Variants in MICU3 observed in about 807,000 individuals in gnomAD.
MICU3 encodes calcium uptake protein 3, mitochondrial.
Under a neutral mutation model 66.5 loss-of-function variants are expected in MICU3, and 62 were observed. That is an observed-to-expected ratio of 0.93 (90% CI 0.76 to 1.15). The LOEUF (loss-of-function observed/expected upper bound fraction) is 1.15. MICU3 is among the 50% of genes most tolerant of loss of function. MICU3 has a pLI of 0.00. For synonymous variants in MICU3, 308 were observed against 240.7 expected (o/e 1.28, Z -2.59); for missense variants, 779 against 664.4 (o/e 1.17, Z -1.90).
At chr8:17,081,266 TC>T (rs1821140374) in intron 4 of MICU3, among the ~76,000 whole-genome samples, 1 of 152,132 alleles carries the variant, frequency 6.6e-6, no homozygotes, top group African/African-American at 2.4e-5. Context: ...AAGTGTTTTA[TC>T]CAAGTGTTAC....
Position 17,058,516 on chromosome 8 carries a change from C to T in MICU3, c.382-5568C>T, listed in dbSNP as rs568873290. Among the ~76,000 whole-genome samples, 8 of 151,996 alleles carry T rather than the reference C, an allele frequency of 5.3e-5. No homozygotes were observed. The South Asian group carries it at 6.2e-4, about 12-fold the overall frequency. On this transcript the variant is annotated intron_variant, in intron 1 of 14. Coordinates refer to ENST00000318063, the MANE Select transcript of MICU3 (RefSeq NM_181723.3). ...AGTAAACTGGTTTAATGTCATGTTCCGCCTTTATTATTGATGTTTTTTTTT... is the reference window on the plus strand; with the variant it reads ...AGTAAACTGGTTTAATGTCATGTTCTGCCTTTATTATTGATGTTTTTTTTT...
intron 5 of MICU3, among the ~76,000 whole-genome samples, chr8:17,082,119 A>G (rs1226307230): frequency 6.6e-6 from 1 of 151,960 alleles, no homozygotes; most frequent in African/African-American, 2.4e-5. Context: ...TGAGTCTATC[A>G]GAATACCCAT....
intron 3 of MICU3, among the ~76,000 whole-genome samples, chr8:17,076,745 A>C (rs1459862889): frequency 6.6e-6 from 1 of 152,220 alleles, no homozygotes; most frequent in East Asian, 1.9e-4. Context: ...AAAAATTAGA[A>C]GATGTTGTTA....
At chr8:17,057,304 G>A (rs1304531647) in intron 1 of MICU3, among the ~76,000 whole-genome samples, 3 of 152,146 alleles carry the variant, frequency 2.0e-5, no homozygotes, top group Non-Finnish European at 2.9e-5. Flanking sequence ...GGAAATCAGG[G>A]ATGGGTTGGT....
At chr8:17,130,150 T>G in the MICU3 span, among the ~76,000 whole-genome samples, 1 of 152,112 alleles carries the variant, frequency 6.6e-6, no homozygotes, top group Non-Finnish European at 1.5e-5. Flanking sequence ...AGCCAAAAAT[T>G]TTGATACATA....
At chr8:17,128,192 A>C in the MICU3 span, among the ~76,000 whole-genome samples, 1 of 151,580 alleles carries the variant, frequency 6.6e-6, no homozygotes, top group African/African-American at 2.4e-5. Flanking sequence ...CTGAGTTAAA[A>C]CTTTTAAGGG....
chr8:17,117,340 C>T (rs576578997), intron 13 of MICU3, among the ~76,000 whole-genome samples: 1 of 152,226 alleles, frequency 6.6e-6, no homozygotes, highest in East Asian at 1.9e-4. Context: ...TATGTTACTG[C>T]ATAATCATTA....
At chr8:17,125,696 T>C (rs1423502329), downstream of MICU3, among the ~76,000 whole-genome samples, 2 of 152,140 alleles carry the variant, frequency 1.3e-5, no homozygotes, top group Non-Finnish European at 2.9e-5. Context: ...TTCTTCAGTA[T>C]GTTACCCCAA....
At chr8:17,062,266 A>G (rs1022146152) in intron 1 of MICU3, among the ~76,000 whole-genome samples, 1 of 152,118 alleles carries the variant, frequency 6.6e-6, no homozygotes, top group African/African-American at 2.4e-5. Context: ...AGCCCAGCCT[A>G]TGGCACCTTT....
downstream of MICU3, among the ~76,000 whole-genome samples, chr8:17,126,610 G>T (rs1298870647): frequency 6.6e-6 from 1 of 152,136 alleles, no homozygotes. Context: ...GTTAGCATGG[G>T]TATGTTTACT....
chr8:17,112,283 C>T (rs1040066943), intron 11 of MICU3, among the ~76,000 whole-genome samples: 1 of 152,266 alleles, frequency 6.6e-6, no homozygotes, highest in Admixed American at 6.5e-5. Flanking sequence ...TTCAGCTTTT[C>T]AGTTATCATT....
chr8:17,107,114 A>G (rs1801809844), intron 11 of MICU3, among the ~76,000 whole-genome samples: 1 of 152,208 alleles, frequency 6.6e-6, no homozygotes, highest in Non-Finnish European at 1.5e-5. Flanking sequence ...AAGTGGCAAC[A>G]TAAGCAAAAT....
At chr8:17,066,887 A>G (rs1180613344) in intron 2 of MICU3, among the ~76,000 whole-genome samples, 6 of 152,090 alleles carry the variant, frequency 3.9e-5, no homozygotes, top group Admixed American at 3.9e-4. Flanking sequence ...ATTATTTTCT[A>G]GAATTTTTTT....
chr8:17,084,298 T>C (rs1017560856), intron 5 of MICU3, among the ~76,000 whole-genome samples: 1 of 152,128 alleles, frequency 6.6e-6, no homozygotes. Flanking sequence ...TAAATTTGTA[T>C]TAGATTTCTG....
intron 1 of MICU3, among the ~76,000 whole-genome samples, chr8:17,032,119 G>C (rs1042574860): frequency 6.6e-6 from 1 of 152,202 alleles, no homozygotes; most frequent in African/African-American, 2.4e-5. Context: ...ATTTTGTTCA[G>C]CTAAAGCAGT....
intron 12 of MICU3, among the ~76,000 whole-genome samples, chr8:17,115,931 A>G (rs76257252): frequency 0.026 from 4,022 of 152,140 alleles, 205 homozygotes; most frequent in African/African-American, 0.092. Flanking sequence ...TGTCATCTCT[A>G]TAGGCTGAAA....
chr8:17,053,858 C>T (rs17586034), intron 1 of MICU3, among the ~76,000 whole-genome samples: 15,660 of 152,126 alleles, frequency 0.1, 888 homozygotes, highest in South Asian at 0.22. Context: ...CAGGCAATTC[C>T]CATAAAATAA....
chr8:17,034,275 A>G (rs919914755), intron 1 of MICU3, among the ~76,000 whole-genome samples: 6 of 152,220 alleles, frequency 3.9e-5, no homozygotes, highest in African/African-American at 1.4e-4. Flanking sequence ...GCTTAGAAAA[A>G]AAGATTCAGT....
At chr8:17,098,434 T>C (rs771236928) in intron 8 of MICU3, 24 bp from the exon 9 acceptor site, 2 of 1,387,876 alleles carry the variant, frequency 1.4e-6, no homozygotes, top group Non-Finnish European at 2.1e-6. Flanking sequence ...TAGATTTCAG[T>C]TGTGCTTCTT....
Sources: allele counts gnomAD v4.1 joint callset (sites outside exome capture counted in the v4.1 genomes callset), GRCh38; gene constraint gnomAD v4.1.1; transcripts MANE v1.5; gene names NCBI Gene and HGNC (gene_info 2026-07-23, HGNC 2026-07-21).